Variants in SLC1A2 observed in about 807,000 individuals in gnomAD.
SLC1A2 encodes the protein solute carrier family 1 member 2.
SLC1A2 carries 15 observed loss-of-function variants against 48.8 expected under a neutral mutation model. The observed-to-expected ratio is 0.31, with a 90% CI of 0.21 to 0.47. The LOEUF is 0.47. Among genes scored for constraint, SLC1A2 ranks in the 20% least tolerant of loss-of-function variants. The probability of loss-of-function intolerance (pLI) is 0.99; values close to 1 mark genes in which losing one functional copy is unlikely to be tolerated. For missense variants in SLC1A2, 502 were observed against 730.5 expected, an observed-to-expected ratio of 0.69 and a Z score of 3.61; for synonymous variants, 279 against 272.6, an observed-to-expected ratio of 1.02 and a Z score of -0.23.
At chr11:35,414,774 T>G (rs1033442469) in intron 1 of SLC1A2, among the ~76,000 whole-genome samples, 3 of 152,268 alleles carry the variant, frequency 2.0e-5, no homozygotes, top group African/African-American at 4.8e-5. Context: ...AGAATAATGC[T>G]TCTGCCTACT....
At chr11:35,273,222 G>A (rs747947026) in intron 9 of SLC1A2, among the ~76,000 whole-genome samples, 17 of 152,216 alleles carry the variant, frequency 1.1e-4, no homozygotes, top group Non-Finnish European at 1.9e-4. Context: ...GGCAGGGTGT[G>A]GAAGAGGGGT....
At chr11:35,332,937 T>G (rs1046651662) in intron 1 of SLC1A2, among the ~76,000 whole-genome samples, 3 of 152,204 alleles carry the variant, frequency 2.0e-5, no homozygotes, top group African/African-American at 7.2e-5. Context: ...CTCTTTTACT[T>G]CAGTTCTCGC....
intron 1 of SLC1A2, among the ~76,000 whole-genome samples, chr11:35,335,087 C>T (rs1852578861): frequency 1.3e-5 from 2 of 152,080 alleles, no homozygotes; most frequent in East Asian, 1.9e-4. Context: ...ATGAGAATAA[C>T]ATTCTTCAAT....
chr11:35,315,808 A>AGAAAG, intron 2 of SLC1A2: 1 of 139,382 alleles, frequency 7.2e-6, no homozygotes, highest in South Asian at 2.3e-4. Flanking sequence ...AAAAAAAAAA[A>AGAAAG]AAAGAAAGAA....
intron 1 of SLC1A2, among the ~76,000 whole-genome samples, chr11:35,362,525 T>C (rs116350913): frequency 0.013 from 1,908 of 152,212 alleles, 32 homozygotes; most frequent in African/African-American, 0.044. Context: ...CTCAAATACT[T>C]CATTCATACA....
intron 1 of SLC1A2, among the ~76,000 whole-genome samples, chr11:35,397,551 C>T (rs1373837398): frequency 6.6e-6 from 1 of 151,812 alleles, no homozygotes; most frequent in South Asian, 2.1e-4. Flanking sequence ...AAGATTTAAA[C>T]GTTAGACCTA....
intron 1 of SLC1A2, among the ~76,000 whole-genome samples, chr11:35,350,571 C>A (rs1853214661): frequency 6.6e-6 from 1 of 152,354 alleles, no homozygotes; most frequent in East Asian, 1.9e-4. Flanking sequence ...ACATATGCTG[C>A]TTCCTAGGTC....
chr11:35,397,684 G>A lies in SLC1A2; in HGVS notation c.17+21266C>T, dbSNP rs1229784109. Among the ~76,000 whole-genome samples the A allele has an allele frequency of 2.0e-5, 3 of 152,108 alleles. No homozygotes were observed. In the East Asian group the frequency reaches 5.8e-4, roughly 29 times the overall value. On this transcript the variant is annotated intron_variant, in intron 1 of 10. Transcript: ENST00000278379. ...TTTGGGAGGTGATTAGGTCAGGCAG[G>A]TGGAGCCCTCATGAATGGAATTAGA...
intron 1 of SLC1A2, among the ~76,000 whole-genome samples, chr11:35,376,433 C>T (rs563926034): frequency 9.2e-5 from 14 of 152,104 alleles, no homozygotes; most frequent in East Asian, 1.9e-4. Flanking sequence ...TTATGTAATA[C>T]GTACGATACC....
rs1002308285 is a variant in SLC1A2 at position 35,252,605 on chromosome 11, C to T, written c.*8289G>A. ...AACAATCATCAGTACAAAGGATTCA[C>T]AGATAAATTCTTCACTCATATATAT... On this transcript the variant is annotated 3_prime_UTR_variant, in exon 11 of 11. Transcript: ENST00000278379. 6.6e-6 allele frequency: 1 copy of T among 152,138 alleles called. No homozygotes were observed. The highest frequency in any genetic ancestry group is 2.4e-5 in the African/African-American group (1 of 41,442). 9.4% of individuals were successfully genotyped at this position (152,138 alleles called of 1,614,324 possible).
At chr11:35,362,665 T>A (rs1750728665) in intron 1 of SLC1A2, among the ~76,000 whole-genome samples, 1 of 152,232 alleles carries the variant, frequency 6.6e-6, no homozygotes, top group Admixed American at 6.5e-5. Context: ...TATGTTGTAT[T>A]TGTTCATTCC....
chr11:35,268,454 A>T (rs183090550), intron 9 of SLC1A2, among the ~76,000 whole-genome samples: 37 of 152,262 alleles, frequency 2.4e-4, no homozygotes, highest in Non-Finnish European at 3.7e-4. Context: ...AGGTGGGCGG[A>T]TCACCTGAGG....
intron 5 of SLC1A2, among the ~76,000 whole-genome samples, chr11:35,303,223 C>A (rs1851404352): frequency 6.6e-6 from 1 of 152,148 alleles, no homozygotes; most frequent in South Asian, 2.1e-4. Flanking sequence ...AGTCATCTAA[C>A]CCACTAACCT....
At chr11:35,392,383 C>T (rs1310722740) in intron 1 of SLC1A2, 1 of 152,170 alleles carries the variant, frequency 6.6e-6, no homozygotes, top group Admixed American at 6.5e-5. Context: ...GGGAGGGCAT[C>T]CAGCAAAAGT....
chr11:35,372,756 T>C (rs1322791786), intron 1 of SLC1A2, among the ~76,000 whole-genome samples: 1 of 152,208 alleles, frequency 6.6e-6, no homozygotes, highest in African/African-American at 2.4e-5. Flanking sequence ...CAACCAATGA[T>C]TAAAATCAAT....
chr11:35,342,794 AT>A (rs1852889921), intron 1 of SLC1A2, among the ~76,000 whole-genome samples: 1 of 71,220 alleles, frequency 1.4e-5, no homozygotes, highest in African/African-American at 5.3e-5. Flanking sequence ...TCTCAAAAAA[AT>A]AAAATTAAAA....
chr11:35,327,513 A>T (rs778688490), intron 1 of SLC1A2, among the ~76,000 whole-genome samples: 3 of 152,178 alleles, frequency 2.0e-5, no homozygotes, highest in Non-Finnish European at 4.4e-5. Context: ...TGTGGCCTTC[A>T]TCTTCCTTCT....
chr11:35,367,544 C>T (rs561390858), intron 1 of SLC1A2, among the ~76,000 whole-genome samples: 3 of 86,434 alleles, frequency 3.5e-5, no homozygotes, highest in Non-Finnish European at 4.9e-5. Flanking sequence ...TAAATTCATA[C>T]CCAAAATGTC....
At position 35,252,785 on chromosome 11, in the gene SLC1A2, C is replaced by T. The variant is rs1347858015; in HGVS notation, c.*8109G>A. The T allele has an allele frequency of 1.3e-5, 2 of 152,606 alleles. No homozygotes were observed. The highest frequency in any genetic ancestry group is 4.8e-5 in the African/African-American group (2 of 41,436). 9.5% of individuals were successfully genotyped at this position (152,606 alleles called of 1,614,324 possible). A position where few individuals can be genotyped will look rare whatever the true frequency, so the allele number is the denominator to read the frequency against. On this transcript the variant is annotated 3_prime_UTR_variant, in exon 11 of 11. Transcript: ENST00000278379. ...ATTTAAATTACAATACATCTATACA[C>T]CATTTCACTGAAATTACACCTAGAT...
Sources: gnomAD v4.1 joint callset for allele counts (sites outside exome capture counted in the v4.1 genomes callset) on GRCh38, gnomAD v4.1.1 for gene constraint, MANE v1.5 for transcripts, NCBI Gene and HGNC (gene_info 2026-07-23, HGNC 2026-07-21) for gene names.